The following ATP2C2 variants were observed in gnomAD, a reference collection of about 807,000 sequenced individuals.
The protein encoded by ATP2C2 is calcium-transporting ATPase type 2C member 2.
ATP2C2 carries 171 observed loss-of-function variants against 110.8 expected under a neutral mutation model. The ratio of observed to expected loss-of-function variants is 1.54; its 90% CI spans 1.36 to 1.75. ATP2C2 has a LOEUF of 1.75. Among genes scored for constraint, ATP2C2 ranks in the 40% most tolerant of loss-of-function variants. The probability of loss-of-function intolerance (pLI) is 0.00; values close to 1 mark genes in which losing one functional copy is unlikely to be tolerated. For missense variants in ATP2C2, 1,963 were observed against 1,235.0 expected, an observed-to-expected ratio of 1.59 and a Z score of -8.84; for synonymous variants, 804 against 508.4, an observed-to-expected ratio of 1.58 and a Z score of -7.82.
chr16:84,454,909 T>C lies in ATP2C2; in HGVS notation c.2072T>C (p.Met691Thr), dbSNP rs1910647453. The C allele has an allele frequency of 6.2e-7, 1 of 1,613,862 alleles. No individual in the cohort carries two copies. Among genetic ancestry groups the C allele is most frequent in the Non-Finnish European group, 8.5e-7 (1 of 1,179,968 alleles). The change falls in exon 21 of 27, where the codon ATG becomes ACG. Residue 691 changes from methionine (M) to threonine (T), a missense_variant. Coordinates refer to ENST00000262429, the MANE Select transcript of ATP2C2 (RefSeq NM_014861.4). ...AAGTCTGCAGACATTGGGATCGCCA[T>C]GGGGCAGACAGGGACGGACGTCAGC... ...ALKSADIGIAMGQTGTDVSKE... is the reference protein window; with the variant it reads ...ALKSADIGIATGQTGTDVSKE...
At chr16:84,439,380 C>T (rs1909034878) in intron 12 of ATP2C2, 47 bp from the exon 13 acceptor site, 5 of 1,602,144 alleles carry the variant, frequency 3.1e-6, no homozygotes, top group Non-Finnish European at 4.3e-6. Context: ...TTTCACAAGC[C>T]TGAGGATGGC....
At chr16:84,415,284 A>T (rs1372421817) in intron 6 of ATP2C2, among the ~76,000 whole-genome samples, 199 bp from the exon 7 acceptor site, 1 of 152,204 alleles carries the variant, frequency 6.6e-6, no homozygotes, top group Admixed American at 6.5e-5. Flanking sequence ...GATGTGGCCC[A>T]GGGATGCCCA....
At position 84,383,796 on chromosome 16, in the gene ATP2C2, T is replaced by G. The variant is rs556021676; in HGVS notation, c.100-14703T>G. Among the ~76,000 whole-genome samples, 87 of 130,192 alleles carry G rather than the reference T, an allele frequency of 6.7e-4. 1 individual carries two copies. Among genetic ancestry groups the G allele is most frequent in the African/African-American group, 2.1e-3 (81 of 38,894 alleles). 85.4% of individuals were successfully genotyped at this position (130,192 alleles called of 152,430 possible). A position where few individuals can be genotyped will look rare whatever the true frequency, so the allele number is the denominator to read the frequency against. Reference sequence around the variant, plus strand: ...GGTGTTGGTTTTGTTGGTTTTTTTTTTTTTTTTTTTTTGAGACAGCGTCTT... The same window carrying G: ...GGTGTTGGTTTTGTTGGTTTTTTTTGTTTTTTTTTTTTGAGACAGCGTCTT... On this transcript the variant is annotated intron_variant, in intron 1 of 26. Transcript: ENST00000262429.
chr16:84,440,305 G>C (rs1909125934), intron 13 of ATP2C2, among the ~76,000 whole-genome samples: 1 of 152,214 alleles, frequency 6.6e-6, no homozygotes, highest in South Asian at 2.1e-4. Context: ...GGCGTAATTG[G>C]AAGCTCTCTG....
intron 2 of ATP2C2, 75 bp from the exon 3 acceptor site, chr16:84,405,053 A>C: frequency 8.1e-7 from 1 of 1,227,418 alleles, no homozygotes; most frequent in Non-Finnish European, 1.2e-6. Context: ...TGCCTTTCAG[A>C]GTGGGAGTCT....
chr16:84,458,515 TA>T (rs11404721), intron 21 of ATP2C2, among the ~76,000 whole-genome samples: 1 of 149,424 alleles, frequency 6.7e-6, no homozygotes, highest in African/African-American at 2.5e-5. Context: ...AAAATTTAAA[TA>T]AAAAAAAAGT....
chr16:84,453,179 T>A lies in ATP2C2; in HGVS notation c.1873T>A (p.Ser625Thr). Residue 625 changes from serine to threonine, a missense_variant, in exon 19 of 27, where the codon TCC becomes ACC. Ser to Thr is a moderately conservative substitution (Grantham distance 58). Transcript: ENST00000262429. ...GTGCAACGGGAAGCTGCAAGCCATG[T>A]CCGGGGAGGAGGTGGACAGCGTGGA... is the stretch of plus-strand genomic sequence containing the variant. ...GLCNGKLQAM[S>T]GEEVDSVEKG... 1 of 1,613,866 alleles carries A rather than the reference T, an allele frequency of 6.2e-7. No homozygotes were observed. The highest frequency in any genetic ancestry group is 1.1e-5 in the South Asian group (1 of 91,072).
intron 21 of ATP2C2, 128 bp downstream of exon 21, chr16:84,455,112 G>C: frequency 7.9e-7 from 1 of 1,258,328 alleles, no homozygotes; most frequent in Non-Finnish European, 1.1e-6. Flanking sequence ...CTGAATCTCG[G>C]GGCTCGTCAG....
chr16:84,423,330 C>T (rs976939162), intron 10 of ATP2C2, 67 bp downstream of exon 10: 13 of 1,456,126 alleles, frequency 8.9e-6, no homozygotes, highest in Middle Eastern at 1.8e-4. Flanking sequence ...AGGGGGGTTG[C>T]CATGGCCGTT....
At chr16:84,460,943 G>A in intron 24 of ATP2C2, 142 bp downstream of exon 24, 1 of 1,229,374 alleles carries the variant, frequency 8.1e-7, no homozygotes, top group Non-Finnish European at 1.1e-6. Context: ...TGCCATCAGA[G>A]GCGTGGGGTG....
chr16:84,411,673 C>G (rs1381899954), intron 6 of ATP2C2, among the ~76,000 whole-genome samples: 2 of 152,194 alleles, frequency 1.3e-5, no homozygotes, highest in Non-Finnish European at 2.9e-5. Flanking sequence ...ACCTCCTGAC[C>G]TCAGATGATC....
intron 1 of ATP2C2, among the ~76,000 whole-genome samples, chr16:84,380,636 G>A (rs775417825): frequency 3.3e-5 from 5 of 152,138 alleles, no homozygotes; most frequent in Non-Finnish European, 7.3e-5. Context: ...TTAAGAGCAC[G>A]GAAGTCTACA....
chr16:84,462,487 T>G, intron 26 of ATP2C2: 1 of 200,920 alleles, frequency 5.0e-6, no homozygotes, highest in Non-Finnish European at 1.0e-5. Context: ...GAGCCTGGAC[T>G]TGACCCTGGG....
chr16:84,460,587 G>T lies in ATP2C2; in HGVS notation c.2334-67G>T, dbSNP rs557645257. The T allele has an allele frequency of 2.5e-6, 4 of 1,609,454 alleles. No individual in the cohort carries two copies. The South Asian group carries it at 4.4e-5, about 18-fold the overall frequency. ...ACTTGGCCTGGGAGGCTCAGGCACA[G>T]CTGTTTCAAGGGTCCTTTATTTCAT... On this transcript the variant is annotated intron_variant, in intron 23 of 26. Transcript: ENST00000262429.
intron 18 of ATP2C2, 46 bp downstream of exon 18, chr16:84,452,137 C>T (rs776988410): frequency 3.7e-6 from 6 of 1,604,638 alleles, no homozygotes; most frequent in Admixed American, 1.7e-5. Flanking sequence ...ACCCATCCAT[C>T]CTTTACGATG....
intron 23 of ATP2C2, chr16:84,459,597 G>C: frequency 6.5e-7 from 1 of 1,535,506 alleles, no homozygotes. Flanking sequence ...AGCTGGGTGA[G>C]GATGGAACTT....
At position 84,461,704 on chromosome 16, in the gene ATP2C2, C is replaced by A. The variant is rs571039345; in HGVS notation, c.2482-10C>A. 1 of 1,612,410 alleles carries A rather than the reference C, an allele frequency of 6.2e-7. No individual in the cohort carries two copies. The highest frequency in any genetic ancestry group is 2.2e-5 in the East Asian group (1 of 44,874). ...CCGCCTAACCTCTCACCTTTGTGCT[C>A]ACCTTCCAGATGCCTGAAGACAGAG... On this transcript the variant is annotated splice_polypyrimidine_tract_variant and intron_variant, in intron 24 of 26. Transcript: ENST00000262429.
intron 21 of ATP2C2, among the ~76,000 whole-genome samples, chr16:84,458,651 G>A (rs565844024): frequency 9.8e-5 from 15 of 152,316 alleles, no homozygotes; most frequent in African/African-American, 2.9e-4. Context: ...GGGCTTCCGC[G>A]AAGAGCCTTC....
chr16:84,452,708 A>G (rs1404558155), intron 18 of ATP2C2, among the ~76,000 whole-genome samples: 1 of 152,098 alleles, frequency 6.6e-6, no homozygotes, highest in Admixed American at 6.6e-5. Flanking sequence ...TGTGTTGCCC[A>G]GGCTGGTCTT....
Sources: allele counts gnomAD v4.1 joint callset (sites outside exome capture counted in the v4.1 genomes callset), GRCh38; gene constraint gnomAD v4.1.1; transcripts MANE v1.5; gene names NCBI Gene and HGNC (gene_info 2026-07-23, HGNC 2026-07-21).